The following SLC7A14 variants were observed in gnomAD, a reference collection of about 807,000 sequenced individuals.
SLC7A14 encodes solute carrier family 7 member 14.
SLC7A14 carries 37 observed loss-of-function variants against 60.2 expected under a neutral mutation model. The observed-to-expected ratio is 0.61, with a 90% CI of 0.47 to 0.81. The LOEUF is 0.81. Among genes scored for constraint, SLC7A14 ranks in the 30% least tolerant of loss-of-function variants. The pLI is 0.00. For synonymous variants in SLC7A14, 399 were observed against 395.8 expected, an observed-to-expected ratio of 1.01 and a Z score of -0.10; for missense variants, 886 against 982.7, an observed-to-expected ratio of 0.90 and a Z score of 1.32.
intron 6 of SLC7A14, among the ~76,000 whole-genome samples, chr3:170,482,951 A>G (rs1711882946): frequency 6.6e-6 from 1 of 150,730 alleles, no homozygotes; most frequent in African/African-American, 2.4e-5. Context: ...TGGGGCAGTT[A>G]CCAGGCCTCA....
At chr3:170,488,274 T>C (rs1712100036) in intron 4 of SLC7A14, among the ~76,000 whole-genome samples, 1 of 152,120 alleles carries the variant, frequency 6.6e-6, no homozygotes, top group Non-Finnish European at 1.5e-5. Flanking sequence ...ACTTCTAAAA[T>C]ACAAGCAGTT....
At chr3:170,580,747 A>C (rs1715212249) in intron 1 of SLC7A14, among the ~76,000 whole-genome samples, 1 of 152,236 alleles carries the variant, frequency 6.6e-6, no homozygotes. Flanking sequence ...TTTGTTAATG[A>C]ATGAATGAAT....
rs1486535000 is a variant in SLC7A14, at chr3:170,467,179, TA to T, written c.2191del (p.Tyr731ThrfsTer30). ...TGCCTTCGCATCTGACATCTGTTGG[TA>T]ATAGAAGCCTTTGTCTTCAGTGGGC... ...GGPTEDKGFY[Y>X]QQMSDAKANG... On this transcript the variant is annotated frameshift_variant, in exon 8 of 8. Transcript: ENST00000231706. LOFTEE classifies it high-confidence loss of function. The T allele has an allele frequency of 4.3e-6, 7 of 1,614,250 alleles. No individual in the cohort carries two copies. The highest frequency in any genetic ancestry group is 5.9e-6 in the Non-Finnish European group (7 of 1,180,050).
chr3:170,485,549 G>T (rs1003359428), intron 5 of SLC7A14, among the ~76,000 whole-genome samples: 15 of 152,164 alleles, frequency 9.9e-5, no homozygotes, highest in Non-Finnish European at 1.6e-4. Flanking sequence ...CTATTTCTGT[G>T]ATAGAAATTC....
intron 7 of SLC7A14, among the ~76,000 whole-genome samples, chr3:170,478,866 G>T (rs1345811980): frequency 6.6e-6 from 1 of 152,108 alleles, no homozygotes; most frequent in Non-Finnish European, 1.5e-5. Flanking sequence ...GCTCATGCCT[G>T]TAATCCCAGC....
intron 1 of SLC7A14, among the ~76,000 whole-genome samples, chr3:170,563,613 G>T (rs966754662): frequency 6.6e-6 from 1 of 151,744 alleles, no homozygotes; most frequent in Non-Finnish European, 1.5e-5. Flanking sequence ...TAGAGACAGG[G>T]TTTCACCATG....
intron 1 of SLC7A14, among the ~76,000 whole-genome samples, chr3:170,528,396 A>G (rs1713574017): frequency 6.6e-6 from 1 of 152,230 alleles, no homozygotes; most frequent in African/African-American, 2.4e-5. Flanking sequence ...AAACTCATAA[A>G]TGTATAGAAT....
intron 6 of SLC7A14, 40 bp downstream of exon 6, chr3:170,483,274 G>A (rs985951109): frequency 1.1e-5 from 18 of 1,605,170 alleles, no homozygotes; most frequent in Non-Finnish European, 1.5e-5. Context: ...CTGGACAGAC[G>A]TGGCAGAGCA....
chr3:170,502,441 C>T (rs1389525270), intron 2 of SLC7A14, among the ~76,000 whole-genome samples: 2 of 152,164 alleles, frequency 1.3e-5, no homozygotes, highest in Admixed American at 6.5e-5. Context: ...ACATACCAAA[C>T]TTCTGGGAGT....
intron 2 of SLC7A14, among the ~76,000 whole-genome samples, chr3:170,510,314 T>A (rs1174734194): frequency 3.5e-5 from 5 of 144,260 alleles, no homozygotes; most frequent in Non-Finnish European, 7.5e-5. Context: ...TGCTTGAACC[T>A]AGGAGGCGGA....
intron 1 of SLC7A14, among the ~76,000 whole-genome samples, chr3:170,558,823 G>A (rs1020166763): frequency 7.9e-5 from 12 of 152,136 alleles, no homozygotes; most frequent in African/African-American, 2.9e-4. Flanking sequence ...TAAATGTTAG[G>A]TTATACTATA....
chr3:170,554,149 A>C (rs1421535606), intron 1 of SLC7A14, among the ~76,000 whole-genome samples: 1 of 152,234 alleles, frequency 6.6e-6, no homozygotes, highest in Admixed American at 6.5e-5. Flanking sequence ...CAAGAGCAAG[A>C]AGAGGATGAA....
intron 1 of SLC7A14, among the ~76,000 whole-genome samples, chr3:170,577,836 A>G (rs1010565674): frequency 6.6e-6 from 1 of 152,252 alleles, no homozygotes; most frequent in African/African-American, 2.4e-5. Context: ...TTGTATATTC[A>G]GTACATTGAA....
rs1439309916 is a variant in SLC7A14, at chr3:170,467,356, T to A, written c.2015A>T (p.Tyr672Phe). Residue 672 changes from tyrosine (Y) to phenylalanine (F), a missense_variant, in exon 8 of 8, where the codon TAT becomes TTT. Physicochemically the swap from Tyr to Phe is conservative, Grantham distance 22 (BLOSUM62 3). Transcript: ENST00000231706. The part of the protein sequence containing the change: ...CFVGLLIYFG[Y>F]GIWNSTLEIS... ...TTCCAGGGTGCTGTTCCAGATGCCA[T>A]ATCCAAAATAAATGAGCAGACCTGT... The A allele has an allele frequency of 6.2e-7, 1 of 1,602,500 alleles. No homozygotes were observed. Among genetic ancestry groups the A allele is most frequent in the South Asian group, 1.1e-5 (1 of 89,606 alleles).
chr3:170,482,563 G>T (rs969480070), intron 6 of SLC7A14, among the ~76,000 whole-genome samples: 3 of 152,234 alleles, frequency 2.0e-5, no homozygotes, highest in Non-Finnish European at 4.4e-5. Context: ...CAAAGGGCTG[G>T]GGCCACATCC....
intron 1 of SLC7A14, among the ~76,000 whole-genome samples, chr3:170,558,763 A>G (rs144970742): frequency 1.3e-5 from 2 of 152,370 alleles, no homozygotes; most frequent in African/African-American, 2.4e-5. Context: ...GTCATTCTGA[A>G]TGAAGAATTA....
rs369436642 is a variant in SLC7A14 at position 170,550,512 on chromosome 3, A to ATTTTTT, written c.-152-23430_-152-23425dup. ...TAAACCTAATGCCATCTTTCCTTGA[A>ATTTTTT]TTTTTTTTTTTTTTTTTTTTTTTTT... On this transcript the variant is annotated intron_variant, in intron 1 of 7. Coordinates refer to ENST00000231706, the MANE Select transcript of SLC7A14 (RefSeq NM_020949.3). Among the ~76,000 whole-genome samples, 14 of 60,608 alleles carry ATTTTTT rather than the reference A, an allele frequency of 2.3e-4. 2 individuals are homozygous for ATTTTTT. The highest frequency in any genetic ancestry group is 7.0e-4 in the African/African-American group (8 of 11,466). The allele number at this position is 60,608 out of a possible 152,430, so 39.8% of individuals were successfully genotyped here.
chr3:170,475,103 A>G (rs973139878), intron 7 of SLC7A14, among the ~76,000 whole-genome samples: 11 of 152,210 alleles, frequency 7.2e-5, no homozygotes, highest in Non-Finnish European at 1.5e-4. Flanking sequence ...CTTTACTGGG[A>G]TTAATACACA....
At chr3:170,504,773 C>A (rs1712722314) in intron 2 of SLC7A14, among the ~76,000 whole-genome samples, 1 of 152,024 alleles carries the variant, frequency 6.6e-6, no homozygotes, top group South Asian at 2.1e-4. Flanking sequence ...CTAAAGTCAA[C>A]TCTTAATCAT....
Sources: gnomAD v4.1 joint callset for allele counts (sites outside exome capture counted in the v4.1 genomes callset) on GRCh38, gnomAD v4.1.1 for gene constraint, MANE v1.5 for transcripts, NCBI Gene and HGNC (gene_info 2026-07-23, HGNC 2026-07-21) for gene names.